Variants in RICTOR observed in about 807,000 individuals in gnomAD.
RICTOR encodes the protein rapamycin-insensitive companion of mTOR.
RICTOR carries 49 observed loss-of-function variants against 214.9 expected under a neutral mutation model. That is an observed-to-expected ratio of 0.23 (90% CI 0.18 to 0.29). The LOEUF (loss-of-function observed/expected upper bound fraction) is 0.29, where lower values mean the gene tolerates loss of function less well. Ranked by LOEUF, RICTOR falls within the 10% of genes least tolerant of loss-of-function variation. The probability of loss-of-function intolerance (pLI) is 1.00; values close to 1 mark genes in which losing one functional copy is unlikely to be tolerated. For synonymous variants in RICTOR, 717 were observed against 711.3 expected (o/e 1.01, Z -0.13); for missense variants, 1,625 against 2,047.0 (o/e 0.79, Z 3.98).
At chr5:39,069,984 C>A (rs1406931327) in intron 2 of RICTOR, among the ~76,000 whole-genome samples, 1 of 152,204 alleles carries the variant, frequency 6.6e-6, no homozygotes, top group Non-Finnish European at 1.5e-5. Context: ...TATTTTTCCA[C>A]CTGCAATCAT....
In RICTOR at chr5:38,950,681, G is replaced by C; in HGVS notation, c.3167C>G (p.Ser1056Cys). The C allele has an allele frequency of 6.2e-7, 1 of 1,605,754 alleles. No homozygotes were observed. The highest frequency in any genetic ancestry group is 8.5e-7 in the Non-Finnish European group (1 of 1,176,186). The change falls in exon 31 of 38, where the codon TCT (serine) becomes TGT (cysteine). Residue 1056 changes from serine (S) to cysteine (C), a missense_variant. Coordinates refer to ENST00000357387, the MANE Select transcript of RICTOR (RefSeq NM_152756.5). ...GATATCAAGGAAAAATGTGCTAGTAGAGCTGCTGCCAAACCGGTCATCCTC... is the reference window on the plus strand; with the variant it reads ...GATATCAAGGAAAAATGTGCTAGTACAGCTGCTGCCAAACCGGTCATCCTC... Reference protein sequence around the residue: ...ILEDDRFGSSSTSTFFLDINE... With the variant: ...ILEDDRFGSSCTSTFFLDINE...
At chr5:38,975,728 A>ATG in intron 9 of RICTOR, 124 bp from the exon 10 acceptor site, 2 of 695,208 alleles carry the variant, frequency 2.9e-6, no homozygotes, top group Non-Finnish European at 2.5e-6. Flanking sequence ...ATAAAATTAA[A>ATG]ACAAGACAAA....
At position 38,950,432 on chromosome 5, in the gene RICTOR, A is replaced by G. The variant is rs1336176445; in HGVS notation, c.3416T>C (p.Val1139Ala). ...AAAATCATCACTATGATTAAAATCA[A>G]CACTGGGCTCCGTAAGTGTTCTGAT... ...RRIRTLTEPS[V>A]DFNHSDDFTP... Residue 1139 changes from valine (V) to alanine (A), a missense_variant, in exon 31 of 38, where the codon GTT becomes GCT. Coordinates refer to ENST00000357387, the MANE Select transcript of RICTOR (RefSeq NM_152756.5). 1 of 1,613,522 alleles carries G rather than the reference A, an allele frequency of 6.2e-7. No homozygotes were observed. Among genetic ancestry groups the G allele is most frequent in the Non-Finnish European group, 8.5e-7 (1 of 1,179,642 alleles).
At chr5:38,984,061 TA>T (rs775939210) in intron 7 of RICTOR, among the ~76,000 whole-genome samples, 9 of 137,786 alleles carry the variant, frequency 6.5e-5, no homozygotes, top group African/African-American at 1.9e-4. Flanking sequence ...TTTTTTTTTT[TA>T]AAACAAAAGT....
At chr5:39,040,791 T>A (rs952872449) in intron 2 of RICTOR, among the ~76,000 whole-genome samples, 1 of 152,198 alleles carries the variant, frequency 6.6e-6, no homozygotes, top group Admixed American at 6.5e-5. Flanking sequence ...TTTCTATGTT[T>A]TATTCAGTTA....
chr5:38,984,253 A>C (rs975960408), intron 7 of RICTOR, among the ~76,000 whole-genome samples: 11 of 152,020 alleles, frequency 7.2e-5, no homozygotes, highest in African/African-American at 2.7e-4. Context: ...TTATTTATTA[A>C]TCTTTTGTAT....
rs1012270674 is a variant in RICTOR at position 38,948,681 on chromosome 5, A to G, written c.4136+1031T>C. ...GAACTTTACTGCATAGATTTGTAACAGTGAGCTGTTGAGAACTTTCCCTGG... is the reference window on the plus strand; with the variant it reads ...GAACTTTACTGCATAGATTTGTAACGGTGAGCTGTTGAGAACTTTCCCTGG... On this transcript the variant is annotated intron_variant, in intron 31 of 37. Transcript: ENST00000357387. Among the ~76,000 whole-genome samples, 4 of 152,216 alleles carry G rather than the reference A, an allele frequency of 2.6e-5. No individual in the cohort carries two copies. In the South Asian group the frequency reaches 8.3e-4, roughly 32 times the overall value.
chr5:38,958,589 A>G lies in RICTOR; in HGVS notation c.2344-70T>C. 2.6e-6 allele frequency: 4 copies of G among 1,514,730 alleles called. No homozygotes were observed. In the South Asian group the frequency reaches 3.6e-5, roughly 13 times the overall value. 93.8% of individuals were successfully genotyped at this position (1,514,730 alleles called of 1,614,324 possible). Reference sequence around the variant, plus strand: ...CAAAATTTTTAGTTCCAAAATGCCTATTATATACTTTTACATAATTGTCAA... The same window carrying G: ...CAAAATTTTTAGTTCCAAAATGCCTGTTATATACTTTTACATAATTGTCAA... On this transcript the variant is annotated intron_variant, in intron 23 of 37. Coordinates refer to ENST00000357387, the MANE Select transcript of RICTOR (RefSeq NM_152756.5).
At chr5:39,069,965 T>G (rs920608780) in intron 2 of RICTOR, among the ~76,000 whole-genome samples, 2 of 152,238 alleles carry the variant, frequency 1.3e-5, no homozygotes, top group Admixed American at 1.3e-4. Context: ...ATAGTTTGAT[T>G]ACTTAATTTA....
At chr5:38,972,649 T>C (rs1750880639) in intron 10 of RICTOR, among the ~76,000 whole-genome samples, 1 of 152,074 alleles carries the variant, frequency 6.6e-6, no homozygotes. Flanking sequence ...TCACATATGC[T>C]GATGATGGGA....
chr5:39,040,705 A>G (rs115316252), intron 2 of RICTOR, among the ~76,000 whole-genome samples: 5,030 of 152,138 alleles, frequency 0.033, 137 homozygotes, highest in South Asian at 0.082. Context: ...TATAATTTTT[A>G]AAAATAAATC....
chr5:38,957,747 G>T lies in RICTOR; in HGVS notation c.2421-17C>A. 1 of 1,428,836 alleles carries T rather than the reference G, an allele frequency of 7.0e-7. No homozygotes were observed. Among genetic ancestry groups the T allele is most frequent in the Non-Finnish European group, 9.8e-7 (1 of 1,024,282 alleles). 88.5% of individuals were successfully genotyped at this position (1,428,836 alleles called of 1,614,324 possible). On this transcript the variant is annotated splice_polypyrimidine_tract_variant and intron_variant, in intron 24 of 37. Transcript: ENST00000357387. ...GAGAGAAATCTGCAAATTAAAACAA[G>T]CAATAGTTTAACATTGAGTCTGGCA...
intron 26 of RICTOR, 64 bp from the exon 27 acceptor site, chr5:38,954,925 G>T (rs982005939): frequency 5.4e-6 from 4 of 740,594 alleles, no homozygotes; most frequent in Admixed American, 2.5e-5. Flanking sequence ...TAGAACAAAA[G>T]AATTTTAATA....
chr5:39,018,336 CTA>C (rs1755125786), intron 3 of RICTOR, among the ~76,000 whole-genome samples: 1 of 152,028 alleles, frequency 6.6e-6, no homozygotes, highest in South Asian at 2.1e-4. Context: ...GGGCTTATGG[CTA>C]TATTTATGAA....
chr5:38,964,708 T>A, intron 16 of RICTOR, 84 bp downstream of exon 16: 1 of 654,942 alleles, frequency 1.5e-6, no homozygotes. Context: ...CTATCCATAC[T>A]ATTTTTTTTA....
At chr5:39,031,747 G>C (rs930510240) in intron 2 of RICTOR, among the ~76,000 whole-genome samples, 1 of 152,122 alleles carries the variant, frequency 6.6e-6, no homozygotes, top group Admixed American at 6.5e-5. Context: ...GGATACATAT[G>C]CGACTTCAAC....
intron 29 of RICTOR, 88 bp downstream of exon 29, chr5:38,952,897 T>C: frequency 2.7e-6 from 2 of 730,158 alleles, no homozygotes; most frequent in Non-Finnish European, 4.8e-6. Flanking sequence ...AGTTATGCAT[T>C]GCACTTAATC....
At chr5:38,948,990 A>G (rs898592732) in intron 31 of RICTOR, among the ~76,000 whole-genome samples, 5 of 152,090 alleles carry the variant, frequency 3.3e-5, no homozygotes, top group African/African-American at 9.7e-5. Flanking sequence ...TTGTTGACAT[A>G]TAAGTACCTG....
At chr5:38,990,684 C>CATATCTG (rs1752613304) in intron 7 of RICTOR, among the ~76,000 whole-genome samples, 1 of 16,218 alleles carries the variant, frequency 6.2e-5, no homozygotes, top group African/African-American at 1.8e-4. Flanking sequence ...TCAGATATAT[C>CATATCTG]ATATATATGA....
Sources: allele counts gnomAD v4.1 joint callset (sites outside exome capture counted in the v4.1 genomes callset), GRCh38; gene constraint gnomAD v4.1.1; transcripts MANE v1.5; gene names NCBI Gene and HGNC (gene_info 2026-07-23, HGNC 2026-07-21).